Variants in BBS9 observed in about 807,000 individuals in gnomAD.
BBS9 encodes Bardet-Biedl syndrome 9, also known as protein PTHB1.
BBS9 carries 89 observed loss-of-function variants against 117.7 expected under a neutral mutation model. The observed-to-expected ratio is 0.76, with a 90% confidence interval of 0.64 to 0.90. The LOEUF (loss-of-function observed/expected upper bound fraction) is 0.90, where lower values mean the gene tolerates loss of function less well. BBS9 is among the 40% of genes least tolerant of loss of function. The pLI, the probability that BBS9 is intolerant of heterozygous loss-of-function variation, is 0.00. For missense variants in BBS9, 982 were observed against 1,042.2 expected (o/e 0.94, Z 0.80); for synonymous variants, 379 against 370.9 (o/e 1.02, Z -0.25).
chr7:33,545,373 A>G lies in BBS9; in HGVS notation c.2521+11197A>G, dbSNP rs555934806. Among the ~76,000 whole-genome samples, 163 of 152,248 alleles carry G rather than the reference A, an allele frequency of 1.1e-3. 2 individuals are homozygous for G. Among genetic ancestry groups the G allele is most frequent in the African/African-American group, 3.7e-3 (154 of 41,534 alleles). On this transcript the variant is annotated intron_variant, in intron 21 of 22. Coordinates refer to ENST00000242067, the MANE Select transcript of BBS9 (RefSeq NM_198428.3). ...CTACTTGGGGACCCAGTGAGCTCCT[A>G]GGGCCTTTCTGCTGCTTCCTCTATC...
intron 13 of BBS9, among the ~76,000 whole-genome samples, chr7:33,350,990 G>C (rs992586401): frequency 1.3e-5 from 2 of 152,056 alleles, no homozygotes; most frequent in Non-Finnish European, 2.9e-5. Context: ...CACTGTGCCC[G>C]GTCTTAGGCA....
At chr7:33,376,939 G>A (rs922353188) in intron 17 of BBS9, among the ~76,000 whole-genome samples, 8 of 151,954 alleles carry the variant, frequency 5.3e-5, no homozygotes, top group Admixed American at 3.9e-4. Flanking sequence ...ATAGATTCTG[G>A]ATATTAGACC....
intron 21 of BBS9, among the ~76,000 whole-genome samples, chr7:33,565,306 T>C (rs1232494494): frequency 6.6e-6 from 1 of 152,110 alleles, no homozygotes; most frequent in Non-Finnish European, 1.5e-5. Flanking sequence ...GCCATTCCTA[T>C]GTTTGCTTAC....
chr7:33,467,590 G>A (rs1840379735), intron 19 of BBS9, among the ~76,000 whole-genome samples: 1 of 141,370 alleles, frequency 7.1e-6, no homozygotes, highest in African/African-American at 2.8e-5. Context: ...CACTATTGTA[G>A]TTGTTTTATA....
chr7:33,466,356 G>T (rs760717307), intron 19 of BBS9, among the ~76,000 whole-genome samples: 25 of 151,734 alleles, frequency 1.6e-4, no homozygotes, highest in Admixed American at 3.3e-4. Context: ...TTCTACTTTG[G>T]CTTCTTTAGA....
At chr7:33,271,322 A>G (rs572253433) in intron 7 of BBS9, among the ~76,000 whole-genome samples, 15 of 152,344 alleles carry the variant, frequency 9.8e-5, no homozygotes, top group African/African-American at 3.6e-4. Flanking sequence ...AGTCTGCGTA[A>G]TAACCAGCTA....
At chr7:33,566,086 G>T (rs1856893589) in intron 21 of BBS9, among the ~76,000 whole-genome samples, 1 of 150,974 alleles carries the variant, frequency 6.6e-6, no homozygotes, top group Admixed American at 6.6e-5. Flanking sequence ...GACAGATTCT[G>T]TTGACTTCTG....
intron 9 of BBS9, among the ~76,000 whole-genome samples, chr7:33,308,981 T>C (rs1275954714): frequency 6.6e-6 from 1 of 152,200 alleles, no homozygotes; most frequent in African/African-American, 2.4e-5. Context: ...GGAAAGAATA[T>C]GGACTTTGGA....
chr7:33,443,554 G>A (rs1043057601), intron 19 of BBS9, among the ~76,000 whole-genome samples: 5 of 152,142 alleles, frequency 3.3e-5, no homozygotes, highest in African/African-American at 1.2e-4. Flanking sequence ...TGTTTGATCA[G>A]TGTGAAATAA....
chr7:33,159,848 G>T (rs981858947), intron 4 of BBS9, among the ~76,000 whole-genome samples: 1 of 152,166 alleles, frequency 6.6e-6, no homozygotes. Context: ...ACTATCAGGA[G>T]GATAATACCA....
intron 19 of BBS9, among the ~76,000 whole-genome samples, chr7:33,443,934 G>A (rs1036550764): frequency 6.6e-6 from 1 of 152,190 alleles, no homozygotes; most frequent in Non-Finnish European, 1.5e-5. Context: ...TTAAAAATCA[G>A]TGAAGGTGTT....
In BBS9 at chr7:33,289,984, C is replaced by T. The variant is rs143329541; in HGVS notation, c.1016+16028C>T. Among the ~76,000 whole-genome samples the T allele has an allele frequency of 4.0e-5, 6 of 151,272 alleles. 1 individual carries two copies. In the East Asian group the frequency reaches 5.9e-4, roughly 15 times the overall value. Reference sequence around the variant, plus strand: ...TCACTTGAACCTGGGAGGCAGAGGTCGCAGTGAGCCGAGAGTGCACCACTG... The same window carrying T: ...TCACTTGAACCTGGGAGGCAGAGGTTGCAGTGAGCCGAGAGTGCACCACTG... On this transcript the variant is annotated intron_variant, in intron 9 of 22. Transcript: ENST00000242067.
At chr7:33,181,605 A>C (rs1222145162) in intron 5 of BBS9, among the ~76,000 whole-genome samples, 1 of 152,214 alleles carries the variant, frequency 6.6e-6, no homozygotes, top group African/African-American at 2.4e-5. Flanking sequence ...AGTTGTTAAA[A>C]AGCAGATCAG....
intron 16 of BBS9, among the ~76,000 whole-genome samples, chr7:33,360,994 G>C (rs1820516817): frequency 6.6e-6 from 1 of 152,088 alleles, no homozygotes; most frequent in African/African-American, 2.4e-5. Flanking sequence ...TCAGCTTCAG[G>C]CATCATATCT....
chr7:33,459,090 A>T (rs1247130834), intron 19 of BBS9, among the ~76,000 whole-genome samples: 1 of 152,076 alleles, frequency 6.6e-6, no homozygotes, highest in East Asian at 1.9e-4. Flanking sequence ...AAAGGGCCTT[A>T]TTGCCAATTA....
At chr7:33,505,433 A>T (rs747247096) in intron 19 of BBS9, 30 bp from the exon 20 acceptor site, 4 of 1,611,782 alleles carry the variant, frequency 2.5e-6, no homozygotes, top group Non-Finnish European at 3.4e-6. Flanking sequence ...TTGTGAAATT[A>T]TCCCTAACCG....
intron 5 of BBS9, among the ~76,000 whole-genome samples, chr7:33,182,704 T>C (rs1227330237): frequency 1.3e-5 from 2 of 152,210 alleles, no homozygotes; most frequent in East Asian, 3.8e-4. Flanking sequence ...TATAGATATA[T>C]ATAAACATCA....
intron 9 of BBS9, among the ~76,000 whole-genome samples, chr7:33,289,635 T>C (rs1803601432): frequency 6.6e-6 from 1 of 152,218 alleles, no homozygotes; most frequent in African/African-American, 2.4e-5. Flanking sequence ...CTCATCTTCT[T>C]ATTCCATCTT....
rs1021331498 is a variant in BBS9, at chr7:33,175,728, T to C, written c.329-1750T>C. Among the ~76,000 whole-genome samples the C allele has an allele frequency of 3.3e-5, 5 of 152,176 alleles. No individual in the cohort carries two copies. The East Asian group carries it at 9.7e-4, about 29-fold the overall frequency. ...AAGGCAAAAGGGAGGGAAAAAAAAA[T>C]CTTTACTTATCTTAGGTTCTCCAGC... is the stretch of plus-strand genomic sequence containing the variant. On this transcript the variant is annotated intron_variant, in intron 4 of 22. Transcript: ENST00000242067.
Sources: gnomAD v4.1 joint callset for allele counts (sites outside exome capture counted in the v4.1 genomes callset) on GRCh38, gnomAD v4.1.1 for gene constraint, MANE v1.5 for transcripts, NCBI Gene and HGNC (gene_info 2026-07-23, HGNC 2026-07-21) for gene names.